Variants in PTPRD observed in about 807,000 individuals in gnomAD.
PTPRD encodes protein tyrosine phosphatase receptor type D, also known as receptor-type tyrosine-protein phosphatase delta.
A neutral mutation model predicts 214.5 loss-of-function variants in PTPRD; 34 were observed. The ratio of observed to expected loss-of-function variants is 0.16; its 90% CI spans 0.12 to 0.21. The LOEUF (loss-of-function observed/expected upper bound fraction) is 0.21. PTPRD is among the 10% of genes least tolerant of loss of function. The probability of loss-of-function intolerance (pLI) is 1.00; values close to 1 mark genes in which losing one functional copy is unlikely to be tolerated. For synonymous variants in PTPRD, 1,128 were observed against 845.7 expected (o/e 1.33, Z -5.79); for missense variants, 2,545 against 2,398.7 (o/e 1.06, Z -1.27).
chr9:10,578,388 T>C lies in PTPRD; in HGVS notation c.-600+34010A>G, dbSNP rs374011806. 1.8e-3 allele frequency among the ~76,000 whole-genome samples: 271 copies of C among 152,270 alleles called. 3 individuals are homozygous for C. The highest frequency in any genetic ancestry group is 6.1e-3 in the African/African-American group (255 of 41,560). Reference sequence around the variant, plus strand: ...ATTATATATATTATCTGAATAGTTATGTTCAGTTTTAAATACCTTTATTTT... The same window carrying C: ...ATTATATATATTATCTGAATAGTTACGTTCAGTTTTAAATACCTTTATTTT... On this transcript the variant is annotated intron_variant, in intron 2 of 45. Transcript: ENST00000381196.
At chr9:10,231,053 A>G (rs2099607720) in intron 3 of PTPRD, among the ~76,000 whole-genome samples, 1 of 151,970 alleles carries the variant, frequency 6.6e-6, no homozygotes, top group Admixed American at 6.6e-5. Context: ...GACTGGTCAA[A>G]AGGAAGACAC....
intron 2 of PTPRD, among the ~76,000 whole-genome samples, chr9:10,387,841 T>TG: frequency 6.8e-6 from 1 of 146,842 alleles, no homozygotes; most frequent in Admixed American, 6.8e-5. Flanking sequence ...TTTTTTTTTT[T>TG]TTTGAGAAAA....
intron 3 of PTPRD, among the ~76,000 whole-genome samples, chr9:10,081,858 C>T (rs2098243753): frequency 6.6e-6 from 1 of 151,932 alleles, no homozygotes; most frequent in South Asian, 2.1e-4. Flanking sequence ...GCTTATTAAT[C>T]ATTTGATTAC....
intron 3 of PTPRD, among the ~76,000 whole-genome samples, chr9:10,129,778 T>C (rs1022466791): frequency 7.2e-5 from 11 of 152,222 alleles, no homozygotes; most frequent in South Asian, 2.1e-4. Flanking sequence ...TATTTTACTT[T>C]GAATTTGCTA....
At chr9:8,826,818 G>C (rs1032743460) in intron 11 of PTPRD, among the ~76,000 whole-genome samples, 9 of 151,962 alleles carry the variant, frequency 5.9e-5, no homozygotes, top group African/African-American at 9.7e-5. Context: ...TTAAAATTTA[G>C]AGCCTTGCGT....
At chr9:8,375,509 T>TG (rs1269479812) in intron 39 of PTPRD, among the ~76,000 whole-genome samples, 52 of 152,046 alleles carry the variant, frequency 3.4e-4, no homozygotes, top group African/African-American at 1.2e-3. Flanking sequence ...CCCTAAAGCT[T>TG]GTATGATATA....
chr9:8,758,933 C>T (rs2094213412), intron 11 of PTPRD, among the ~76,000 whole-genome samples: 1 of 152,044 alleles, frequency 6.6e-6, no homozygotes, highest in Admixed American at 6.6e-5. Context: ...GATCCACCTG[C>T]CTCAGCCTCC....
At chr9:10,127,251 C>A (rs1454688890) in intron 3 of PTPRD, among the ~76,000 whole-genome samples, 1 of 152,118 alleles carries the variant, frequency 6.6e-6, no homozygotes, top group African/African-American at 2.4e-5. Context: ...GCACACAAGA[C>A]CAATGTCCTG....
intron 9 of PTPRD, among the ~76,000 whole-genome samples, chr9:9,335,689 A>G (rs2044161975): frequency 6.6e-6 from 1 of 152,028 alleles, no homozygotes; most frequent in Non-Finnish European, 1.5e-5. Context: ...TTACTTTTTT[A>G]TTCCTTTCTC....
chr9:10,327,171 G>GTATATATA (rs33959310), intron 3 of PTPRD, among the ~76,000 whole-genome samples: 52 of 142,906 alleles, frequency 3.6e-4, no homozygotes, highest in South Asian at 1.7e-3. Context: ...ATATGTGTGT[G>GTATATATA]TATATATATA....
chr9:9,510,175 C>G (rs1284773465), intron 8 of PTPRD, among the ~76,000 whole-genome samples: 1 of 151,692 alleles, frequency 6.6e-6, no homozygotes. Context: ...TTTCACAAAT[C>G]AAGGTGGCCT....
At chr9:9,505,109 G>A (rs2096539547) in intron 8 of PTPRD, among the ~76,000 whole-genome samples, 1 of 151,432 alleles carries the variant, frequency 6.6e-6, no homozygotes, top group South Asian at 2.1e-4. Context: ...TGCCCTTCTG[G>A]ACTTTTCTGA....
chr9:8,362,446 A>G (rs2078741516), intron 39 of PTPRD, among the ~76,000 whole-genome samples: 1 of 152,190 alleles, frequency 6.6e-6, no homozygotes, highest in South Asian at 2.1e-4. Flanking sequence ...TAGATTGTAG[A>G]GGAGGATTTT....
At chr9:8,389,206 G>T (rs145485748) in intron 37 of PTPRD, 26 bp downstream of exon 37, 1 of 1,574,350 alleles carries the variant, frequency 6.4e-7, no homozygotes, top group Admixed American at 1.8e-5. Flanking sequence ...ATTTTTAAAA[G>T]GAAAGAGGTG....
At chr9:10,239,808 A>T (rs1255672517) in intron 3 of PTPRD, among the ~76,000 whole-genome samples, 4 of 151,856 alleles carry the variant, frequency 2.6e-5, no homozygotes, top group Non-Finnish European at 5.9e-5. Context: ...TTTCTCTCTG[A>T]TCTTCTCCCG....
intron 10 of PTPRD, among the ~76,000 whole-genome samples, chr9:9,050,213 T>A (rs2099682178): frequency 6.6e-6 from 1 of 152,324 alleles, no homozygotes; most frequent in Middle Eastern, 3.4e-3. Flanking sequence ...CCCTTTAACA[T>A]TATTTTATTG....
chr9:9,177,775 A>G (rs2099925805), intron 10 of PTPRD, among the ~76,000 whole-genome samples: 1 of 152,174 alleles, frequency 6.6e-6, no homozygotes, highest in Admixed American at 6.6e-5. Flanking sequence ...AGTAGTCCCT[A>G]TAAAAATGGC....
chr9:9,245,271 G>C (rs1156683542), intron 9 of PTPRD, among the ~76,000 whole-genome samples: 1 of 151,218 alleles, frequency 6.6e-6, no homozygotes, highest in African/African-American at 2.4e-5. Context: ...ATTTGACCCA[G>C]CCATGCCAAA....
chr9:9,796,213 G>T (rs2099001449), intron 5 of PTPRD, among the ~76,000 whole-genome samples: 1 of 152,066 alleles, frequency 6.6e-6, no homozygotes, highest in African/African-American at 2.4e-5. Flanking sequence ...AGAAGAAGAA[G>T]AAAAGGAGGC....
Sources: allele counts gnomAD v4.1 joint callset (sites outside exome capture counted in the v4.1 genomes callset), GRCh38; gene constraint gnomAD v4.1.1; transcripts MANE v1.5; gene names NCBI Gene and HGNC (gene_info 2026-07-23, HGNC 2026-07-21).